The following ADCY2 variants were observed in gnomAD, a reference collection of about 807,000 sequenced individuals.
ADCY2 encodes the protein adenylate cyclase type 2.
A neutral mutation model predicts 125.2 loss-of-function variants in ADCY2; 31 were observed. That is an observed-to-expected ratio of 0.25 (90% CI 0.19 to 0.33). The LOEUF (loss-of-function observed/expected upper bound fraction) is 0.33, where lower values mean the gene tolerates loss of function less well. Among genes scored for constraint, ADCY2 ranks in the 10% least tolerant of loss-of-function variants. The pLI is 1.00. For synonymous variants in ADCY2, 512 were observed against 548.4 expected (o/e 0.93, Z 0.93); for missense variants, 904 against 1,418.2 (o/e 0.64, Z 5.82).
At chr5:7,523,790 G>A (rs556840417) in intron 3 of ADCY2, among the ~76,000 whole-genome samples, 1 of 152,292 alleles carries the variant, frequency 6.6e-6, no homozygotes, top group South Asian at 2.1e-4. Context: ...TGTAATTGTT[G>A]AATGTAACAC....
intron 13 of ADCY2, 26 bp downstream of exon 13, chr5:7,724,640 A>G (rs1251524649): frequency 1.3e-6 from 2 of 1,485,886 alleles, no homozygotes; most frequent in Admixed American, 4.1e-5. Flanking sequence ...CTTCAAAATC[A>G]TCAATCGAGT....
chr5:7,672,725 A>C (rs761969839), intron 4 of ADCY2, among the ~76,000 whole-genome samples: 1 of 152,134 alleles, frequency 6.6e-6, no homozygotes, highest in African/African-American at 2.4e-5. Context: ...GAAATTGTTT[A>C]TTTTTCACAA....
chr5:7,532,849 A>G (rs971782451), intron 3 of ADCY2, among the ~76,000 whole-genome samples: 1 of 152,010 alleles, frequency 6.6e-6, no homozygotes, highest in Non-Finnish European at 1.5e-5. Context: ...ATAACTCAAT[A>G]AGGATTTTGC....
At chr5:7,469,339 C>G (rs1742246359) in intron 2 of ADCY2, among the ~76,000 whole-genome samples, 1 of 151,842 alleles carries the variant, frequency 6.6e-6, no homozygotes. Flanking sequence ...TTTATTTATA[C>G]TATATGGTTA....
intron 2 of ADCY2, among the ~76,000 whole-genome samples, chr5:7,508,011 C>A (rs1249446508): frequency 6.7e-6 from 1 of 149,158 alleles, no homozygotes; most frequent in Non-Finnish European, 1.5e-5. Context: ...TTTTTTTTTT[C>A]TATATACTGA....
chr5:7,812,637 G>A (rs528915171), intron 22 of ADCY2, among the ~76,000 whole-genome samples: 18 of 152,370 alleles, frequency 1.2e-4, no homozygotes, highest in African/African-American at 4.1e-4. Context: ...GCTGGGTGCA[G>A]TGGCTCGTGC....
intron 4 of ADCY2, among the ~76,000 whole-genome samples, chr5:7,649,653 A>T (rs188024056): frequency 6.6e-6 from 1 of 152,198 alleles, no homozygotes; most frequent in Non-Finnish European, 1.5e-5. Context: ...ACCCTTAGGG[A>T]TCTCACCCAT....
intron 9 of ADCY2, among the ~76,000 whole-genome samples, chr5:7,708,320 T>C (rs1457848514): frequency 6.6e-6 from 1 of 152,162 alleles, no homozygotes; most frequent in Non-Finnish European, 1.5e-5. Context: ...GCTTGCGAGA[T>C]TGTCTGTATG....
chr5:7,682,050 T>C (rs547864042), intron 4 of ADCY2, among the ~76,000 whole-genome samples: 2 of 152,350 alleles, frequency 1.3e-5, no homozygotes, highest in East Asian at 3.9e-4. Flanking sequence ...CCATGCAACC[T>C]ATTTGGTCTC....
At chr5:7,557,721 T>C (rs186009198) in intron 3 of ADCY2, among the ~76,000 whole-genome samples, 13 of 152,356 alleles carry the variant, frequency 8.5e-5, no homozygotes, top group Admixed American at 8.5e-4. Context: ...TATGGCTGCA[T>C]AGTATTCCAC....
At chr5:7,618,620 C>T (rs1737844823) in intron 3 of ADCY2, among the ~76,000 whole-genome samples, 1 of 152,114 alleles carries the variant, frequency 6.6e-6, no homozygotes, top group South Asian at 2.1e-4. Context: ...TTGTGGACCA[C>T]ATGTGTCACC....
chr5:7,724,114 C>CAAAAAAAAAAAAAAA (rs1272949604), intron 12 of ADCY2, among the ~76,000 whole-genome samples: 2 of 76,560 alleles, frequency 2.6e-5, no homozygotes, highest in East Asian at 4.6e-4. Flanking sequence ...TAGAAGCTAA[C>CAAAAAAAAAAAAAAA]AAAAAAAAAA....
chr5:7,705,167 AATC>A (rs1741228181), intron 7 of ADCY2, among the ~76,000 whole-genome samples: 1 of 152,206 alleles, frequency 6.6e-6, no homozygotes, highest in Non-Finnish European at 1.5e-5. Context: ...AATTTTTCAG[AATC>A]ATCATTGCTC....
At chr5:7,526,835 T>C (rs1343436316) in intron 3 of ADCY2, among the ~76,000 whole-genome samples, 2 of 152,208 alleles carry the variant, frequency 1.3e-5, no homozygotes, top group Non-Finnish European at 2.9e-5. Flanking sequence ...CTGGAATCCC[T>C]TAATGATGAA....
intron 2 of ADCY2, among the ~76,000 whole-genome samples, chr5:7,432,060 G>T (rs950457825): frequency 3.9e-5 from 6 of 152,086 alleles, no homozygotes; most frequent in African/African-American, 7.2e-5. Flanking sequence ...GGATGTCAGA[G>T]ACTACCATTG....
At chr5:7,525,084 C>T (rs901115243) in intron 3 of ADCY2, among the ~76,000 whole-genome samples, 2 of 152,002 alleles carry the variant, frequency 1.3e-5, no homozygotes, top group Non-Finnish European at 2.9e-5. Flanking sequence ...CCTGCTGCAA[C>T]CTCCACCTCC....
chr5:7,663,863 T>A (rs115335337), intron 4 of ADCY2, among the ~76,000 whole-genome samples: 2,595 of 152,304 alleles, frequency 0.017, 52 homozygotes, highest in Non-Finnish European at 0.023. Context: ...AGGAGGTTTA[T>A]GCTCTGTGCT....
intron 2 of ADCY2, among the ~76,000 whole-genome samples, chr5:7,420,065 G>C (rs147325762): frequency 6.6e-6 from 1 of 152,108 alleles, no homozygotes; most frequent in African/African-American, 2.4e-5. Context: ...TGCACCCCCC[G>C]GGGACATGTG....
At chr5:7,596,276 C>G (rs546225443) in intron 3 of ADCY2, among the ~76,000 whole-genome samples, 1 of 29,980 alleles carries the variant, frequency 3.3e-5, no homozygotes, top group South Asian at 6.5e-4. Flanking sequence ...TCCAAAAACT[C>G]CCCCCCCCCA....
Sources: allele counts gnomAD v4.1 joint callset (sites outside exome capture counted in the v4.1 genomes callset), GRCh38; gene constraint gnomAD v4.1.1; transcripts MANE v1.5; gene names NCBI Gene and HGNC (gene_info 2026-07-23, HGNC 2026-07-21).